The following GAS2 variants were observed in gnomAD, a reference collection of about 807,000 sequenced individuals.
GAS2 encodes growth arrest-specific protein 2.
Under a neutral mutation model 37.5 loss-of-function variants are expected in GAS2, and 20 were observed. The ratio of observed to expected loss-of-function variants is 0.53; its 90% CI spans 0.37 to 0.77. GAS2 has a LOEUF of 0.77. Ranked by LOEUF, GAS2 falls within the 30% of genes least tolerant of loss-of-function variation. The pLI is 0.00. For synonymous variants in GAS2, 144 were observed against 132.2 expected (o/e 1.09, Z -0.61); for missense variants, 336 against 373.4 (o/e 0.90, Z 0.82).
At chr11:22,793,376 C>A (rs1181730048) in intron 7 of GAS2, among the ~76,000 whole-genome samples, 1 of 152,128 alleles carries the variant, frequency 6.6e-6, no homozygotes, top group Non-Finnish European at 1.5e-5. Flanking sequence ...TAATTTTCTT[C>A]TATGTTCATT....
intron 3 of GAS2, among the ~76,000 whole-genome samples, chr11:22,706,335 T>A (rs564757073): frequency 6.6e-6 from 1 of 152,100 alleles, no homozygotes; most frequent in Non-Finnish European, 1.5e-5. Flanking sequence ...CGGTTTTTTT[T>A]TTTCTTTTAT....
At chr11:22,805,998 G>T (rs1200815446) in intron 7 of GAS2, among the ~76,000 whole-genome samples, 1 of 152,024 alleles carries the variant, frequency 6.6e-6, no homozygotes, top group Admixed American at 6.6e-5. Context: ...TATCAGCAAG[G>T]TTTTTATGAG....
chr11:22,783,336 A>G (rs74661960), intron 7 of GAS2, among the ~76,000 whole-genome samples: 2,742 of 152,106 alleles, frequency 0.018, 73 homozygotes, highest in African/African-American at 0.063. Context: ...TAGATTCTGG[A>G]TATCACACTT....
At chr11:22,748,373 AG>A (rs1172899487) in intron 5 of GAS2, among the ~76,000 whole-genome samples, 5 of 152,098 alleles carry the variant, frequency 3.3e-5, no homozygotes, top group Non-Finnish European at 5.9e-5. Flanking sequence ...ATATGTACCT[AG>A]GAAACCAAAT....
intron 3 of GAS2, among the ~76,000 whole-genome samples, chr11:22,723,073 A>G (rs1565109989): frequency 6.6e-6 from 1 of 151,912 alleles, no homozygotes; most frequent in Non-Finnish European, 1.5e-5. Context: ...GACTTAAAAA[A>G]ATCCTCAAAT....
chr11:22,778,231 T>C (rs1564884422), intron 7 of GAS2, among the ~76,000 whole-genome samples: 1 of 152,226 alleles, frequency 6.6e-6, no homozygotes, highest in Non-Finnish European at 1.5e-5. Flanking sequence ...CTGTGACTCA[T>C]CTATAATGTG....
chr11:22,772,623 T>C (rs1855039991), intron 7 of GAS2, among the ~76,000 whole-genome samples: 1 of 152,122 alleles, frequency 6.6e-6, no homozygotes, highest in Non-Finnish European at 1.5e-5. Flanking sequence ...TAATGGAGTT[T>C]GTGTGATAGT....
intron 2 of GAS2, among the ~76,000 whole-genome samples, chr11:22,680,996 A>G (rs1221018138): frequency 6.6e-6 from 1 of 152,174 alleles, no homozygotes; most frequent in Non-Finnish European, 1.5e-5. Flanking sequence ...TCTTGAGAAG[A>G]CTCAATACAT....
chr11:22,740,206 A>G (rs1277367128), intron 5 of GAS2, among the ~76,000 whole-genome samples: 2 of 152,170 alleles, frequency 1.3e-5, no homozygotes, highest in East Asian at 3.8e-4. Context: ...TCAAGGTAAT[A>G]CATTATGTGA....
intron 1 of GAS2, among the ~76,000 whole-genome samples, chr11:22,627,830 T>G (rs1283024708): frequency 6.6e-6 from 1 of 151,562 alleles, no homozygotes; most frequent in Non-Finnish European, 1.5e-5. Flanking sequence ...AACTTTTCAG[T>G]TGAAAGTTCA....
intron 3 of GAS2, chr11:22,688,512 A>T (rs541441836): frequency 2.0e-5 from 3 of 152,150 alleles, no homozygotes; most frequent in Admixed American, 2.0e-4. Flanking sequence ...CATTTGCCCC[A>T]ATCTCCATGA....
intron 7 of GAS2, among the ~76,000 whole-genome samples, chr11:22,774,274 A>T (rs924017588): frequency 6.6e-6 from 1 of 152,176 alleles, no homozygotes; most frequent in Admixed American, 6.5e-5. Context: ...GATTACAGGC[A>T]TGAGCCACTG....
chr11:22,636,059 G>A (rs1293210064), intron 1 of GAS2, among the ~76,000 whole-genome samples: 1 of 152,138 alleles, frequency 6.6e-6, no homozygotes, highest in Non-Finnish European at 1.5e-5. Context: ...CTGGCTTAGG[G>A]TGTAGGTTGC....
At chr11:22,718,265 A>G (rs1020094868) in intron 3 of GAS2, among the ~76,000 whole-genome samples, 2 of 151,922 alleles carry the variant, frequency 1.3e-5, no homozygotes, top group Non-Finnish European at 2.9e-5. Flanking sequence ...TGTCATATAT[A>G]TATATATGGT....
chr11:22,730,302 C>T (rs1852410159), intron 4 of GAS2, among the ~76,000 whole-genome samples: 1 of 151,624 alleles, frequency 6.6e-6, no homozygotes, highest in South Asian at 2.1e-4. Context: ...GAAACATGAA[C>T]AATTGATTTA....
chr11:22,650,339 T>C (rs939416549), intron 1 of GAS2, among the ~76,000 whole-genome samples: 43 of 151,050 alleles, frequency 2.8e-4, no homozygotes, highest in African/African-American at 1.0e-3. Context: ...TACTTCCAAG[T>C]ATGTGGTCAA....
chr11:22,642,580 T>C (rs932812466), intron 1 of GAS2, among the ~76,000 whole-genome samples: 7 of 152,148 alleles, frequency 4.6e-5, no homozygotes, highest in Admixed American at 1.3e-4. Context: ...AATAGATAAT[T>C]AGTGGATAAT....
chr11:22,774,718 A>G (rs1242837519), intron 7 of GAS2, among the ~76,000 whole-genome samples: 1 of 151,768 alleles, frequency 6.6e-6, no homozygotes, highest in Non-Finnish European at 1.5e-5. Context: ...CATGCAGTAC[A>G]TTTCTTCTGG....
chr11:22,697,487 A>T (rs1850590240), intron 3 of GAS2, among the ~76,000 whole-genome samples: 1 of 152,174 alleles, frequency 6.6e-6, no homozygotes, highest in African/African-American at 2.4e-5. Flanking sequence ...GAAGAAAGTC[A>T]TTGGTAGCTT....
Sources: gnomAD v4.1 joint callset for allele counts (sites outside exome capture counted in the v4.1 genomes callset) on GRCh38, gnomAD v4.1.1 for gene constraint, MANE v1.5 for transcripts, NCBI Gene and HGNC (gene_info 2026-07-23, HGNC 2026-07-21) for gene names.